The following NPIPA5 variants were observed in gnomAD, a reference collection of about 807,000 sequenced individuals.
The protein encoded by NPIPA5 is nuclear pore complex-interacting protein family member A5.
A neutral mutation model predicts 21.4 loss-of-function variants in NPIPA5; 6 were observed. That is an observed-to-expected ratio of 0.28 (90% CI 0.15 to 0.55). NPIPA5 has a LOEUF of 0.55. Ranked by LOEUF, NPIPA5 falls within the 20% of genes least tolerant of loss-of-function variation. The probability of loss-of-function intolerance (pLI) is 0.93; values close to 1 mark genes in which losing one functional copy is unlikely to be tolerated. For synonymous variants in NPIPA5, 33 were observed against 115.3 expected (o/e 0.29, Z 4.57); for missense variants, 99 against 318.2 (o/e 0.31, Z 5.24).
upstream of NPIPA5, among the ~76,000 whole-genome samples, chr16:15,379,440 A>G (rs202135063): frequency 0.17 from 24,306 of 145,550 alleles, 1,981 homozygotes; most frequent in East Asian, 0.48. Context: ...GGTGGTGGGC[A>G]CCTGTAGTCC....
Position 15,369,462 on chromosome 16 carries a change from A to AG in NPIPA5, c.437+249_437+250insC, listed in dbSNP as rs1486537852. Among the ~76,000 whole-genome samples, 1,279 of 151,910 alleles carry AG rather than the reference A, an allele frequency of 8.4e-3. 32 individuals carry two copies. Among genetic ancestry groups the AG allele is most frequent in the African/African-American group, 0.028 (1,179 of 41,392 alleles). The stretch of plus-strand genomic sequence containing the variant: ...AGCTCCGTCTCAGGAAAAAAAAAAA[A>AG]AGAGAGAGAGAAAGGAAAACCAATG... On this transcript the variant is annotated intron_variant, in intron 4 of 7. Coordinates refer to ENST00000360151, the MANE Select transcript of NPIPA5 (RefSeq NM_001277325.2).
intron 4 of NPIPA5, among the ~76,000 whole-genome samples, chr16:15,369,041 G>A (rs1377066006): frequency 7.7e-5 from 11 of 142,914 alleles, no homozygotes; most frequent in African/African-American, 2.6e-4. Context: ...TGTAATCCAA[G>A]CTACTCGGGA....
At chr16:15,378,949 G>T (rs924501108), upstream of NPIPA5, among the ~76,000 whole-genome samples, 1 of 139,632 alleles carries the variant, frequency 7.2e-6, no homozygotes, top group Non-Finnish European at 1.5e-5. Flanking sequence ...TACCCAGAGG[G>T]CTTGGCAGCA....
At chr16:15,378,042 C>A (rs1469212011) in intron 1 of NPIPA5, among the ~76,000 whole-genome samples, 190 bp downstream of exon 1, 2 of 145,118 alleles carry the variant, frequency 1.4e-5, no homozygotes, top group Non-Finnish European at 3.0e-5. Context: ...TCTCAGTCCC[C>A]CACGCTCCTC....
intron 4 of NPIPA5, 76 bp from the exon 5 acceptor site, chr16:15,366,836 G>A: frequency 6.6e-7 from 1 of 1,518,724 alleles, no homozygotes; most frequent in South Asian, 1.2e-5. Context: ...GCATCTGAAG[G>A]CTGTGATTCA....
chr16:15,372,369 C>G (rs893365728), intron 2 of NPIPA5, among the ~76,000 whole-genome samples: 1 of 147,744 alleles, frequency 6.8e-6, no homozygotes, highest in Non-Finnish European at 1.5e-5. Flanking sequence ...CCTGTAATCC[C>G]AGCTACTTGA....
chr16:15,372,528 C>T (rs1363558777), intron 2 of NPIPA5, among the ~76,000 whole-genome samples: 2 of 145,182 alleles, frequency 1.4e-5, no homozygotes, highest in Non-Finnish European at 1.5e-5. Flanking sequence ...CCAATTTATA[C>T]CAAAAATTCT....
chr16:15,369,542 G>T (rs575801720), intron 4 of NPIPA5, among the ~76,000 whole-genome samples, 170 bp downstream of exon 4: 1 of 151,618 alleles, frequency 6.6e-6, no homozygotes, highest in Non-Finnish European at 1.5e-5. Context: ...ATTGTAGGAA[G>T]GGAAAGGAAT....
intron 1 of NPIPA5, among the ~76,000 whole-genome samples, chr16:15,375,379 A>G (rs2050263480): frequency 1.6e-5 from 1 of 63,406 alleles, no homozygotes; most frequent in Non-Finnish European, 4.1e-5. Flanking sequence ...AGCTCAGCAT[A>G]AGTAAAAAAA....
rs2049986051 is a variant in NPIPA5, at chr16:15,366,749, A to C, written c.449T>G (p.Leu150Arg). 1.3e-6 allele frequency: 2 copies of C among 1,509,862 alleles called. No homozygotes were observed. The highest frequency in any genetic ancestry group is 8.8e-7 in the Non-Finnish European group (1 of 1,137,036). The allele number at this position is 1,509,862 out of a possible 1,614,324, so 93.5% of individuals were successfully genotyped here. The change falls in exon 5 of 8, where the codon CTA becomes CGA. Residue 150 changes from leucine (L) to arginine (R), a missense_variant. Coordinates refer to ENST00000360151, the MANE Select transcript of NPIPA5 (RefSeq NM_001277325.2). ...RKTAKEHLRKLSMKEREHGEK... is the reference protein window; with the variant it reads ...RKTAKEHLRKRSMKEREHGEK... ...TCCGTGCTCACGTTCTTTCATGCTTAGTTTCCTCAGACTAGAAGGGAGAGA... is the reference window on the plus strand; with the variant it reads ...TCCGTGCTCACGTTCTTTCATGCTTCGTTTCCTCAGACTAGAAGGGAGAGA...
At chr16:15,380,264 G>C (rs2050408076), upstream of NPIPA5, among the ~76,000 whole-genome samples, 1 of 151,192 alleles carries the variant, frequency 6.6e-6, no homozygotes, top group African/African-American at 2.4e-5. Flanking sequence ...CTTATTATGA[G>C]TCATGTTAAA....
chr16:15,375,656 C>A (rs2050270922), intron 1 of NPIPA5, among the ~76,000 whole-genome samples: 1 of 145,544 alleles, frequency 6.9e-6, no homozygotes, highest in South Asian at 2.3e-4. Flanking sequence ...GCAGAAGAAT[C>A]ACTTGAACCT....
upstream of NPIPA5, among the ~76,000 whole-genome samples, chr16:15,379,480 T>C (rs1300513577): frequency 4.2e-4 from 64 of 151,666 alleles, 1 homozygote; most frequent in Middle Eastern, 3.4e-3. Flanking sequence ...GGCAGGAGAA[T>C]AGTTTGAACC....
chr16:15,379,383 T>C (rs1241329557), upstream of NPIPA5, among the ~76,000 whole-genome samples: 1 of 150,160 alleles, frequency 6.7e-6, no homozygotes, highest in Non-Finnish European at 1.5e-5. Flanking sequence ...GCCTGGCCAA[T>C]ATGGTGAAAC....
intron 4 of NPIPA5, among the ~76,000 whole-genome samples, chr16:15,367,561 A>G (rs926622671): frequency 4.6e-5 from 7 of 151,904 alleles, no homozygotes; most frequent in Non-Finnish European, 8.8e-5. Context: ...CCCTCACACC[A>G]CTTGATTCAT....
rs1315181146 is a variant in NPIPA5 at position 15,371,242 on chromosome 16, G to C, written c.193-1123C>G. Among the ~76,000 whole-genome samples the C allele has an allele frequency of 1.4e-5, 2 of 141,264 alleles. 1 individual carries two copies. The highest frequency in any genetic ancestry group is 3.1e-5 in the Non-Finnish European group (2 of 65,158). 92.7% of individuals were successfully genotyped at this position (141,264 alleles called of 152,430 possible). A position where few individuals can be genotyped will look rare whatever the true frequency, so the allele number is the denominator to read the frequency against. On this transcript the variant is annotated intron_variant, in intron 2 of 7. Coordinates refer to ENST00000360151, the MANE Select transcript of NPIPA5 (RefSeq NM_001277325.2). ...AACATTTCACCCCCTGCTCCTTCCT[G>C]ATCTGCACTGGAGCATCTTTCTTCT...
At chr16:15,379,187 T>A (rs1255180356), upstream of NPIPA5, among the ~76,000 whole-genome samples, 13 of 152,160 alleles carry the variant, frequency 8.5e-5, no homozygotes, top group Non-Finnish European at 1.8e-4. Flanking sequence ...AAGGTTATTG[T>A]AAACAGGAAA....
chr16:15,369,213 T>G (rs976694147), intron 4 of NPIPA5, among the ~76,000 whole-genome samples: 2 of 147,716 alleles, frequency 1.4e-5, no homozygotes, highest in African/African-American at 4.9e-5. Context: ...CCCAGCACTT[T>G]GGGAGGCTGA....
chr16:15,376,014 C>G (rs919647576), intron 1 of NPIPA5, among the ~76,000 whole-genome samples: 1 of 151,418 alleles, frequency 6.6e-6, no homozygotes, highest in African/African-American at 2.4e-5. Context: ...TTGAACTCAG[C>G]ATATGCTGAG....
Sources: gnomAD v4.1 joint callset for allele counts (sites outside exome capture counted in the v4.1 genomes callset) on GRCh38, gnomAD v4.1.1 for gene constraint, MANE v1.5 for transcripts, NCBI Gene and HGNC (gene_info 2026-07-23, HGNC 2026-07-21) for gene names.